Variants in TENT4A observed in about 807,000 individuals in gnomAD.
TENT4A encodes the protein terminal nucleotidyltransferase 4A.
A neutral mutation model predicts 72.8 loss-of-function variants in TENT4A; 7 were observed. That is an observed-to-expected ratio of 0.10 (90% CI 0.05 to 0.18). The LOEUF is 0.18. Among genes scored for constraint, TENT4A ranks in the 10% least tolerant of loss-of-function variants. The pLI, the probability that TENT4A is intolerant of heterozygous loss-of-function variation, is 1.00. For missense variants in TENT4A, 831 were observed against 1,017.7 expected, an observed-to-expected ratio of 0.82 and a Z score of 2.50; for synonymous variants, 456 against 434.3, an observed-to-expected ratio of 1.05 and a Z score of -0.62.
At chr5:6,734,917 G>A (rs1011547929) in intron 1 of TENT4A, among the ~76,000 whole-genome samples, 2 of 152,252 alleles carry the variant, frequency 1.3e-5, no homozygotes, top group Non-Finnish European at 2.9e-5. Flanking sequence ...AAGGCAGACT[G>A]CAGCAGGTGT....
chr5:6,755,094 G>T lies in TENT4A; in HGVS notation c.*149G>T, dbSNP rs1742622773. 3 of 589,890 alleles carry T rather than the reference G, an allele frequency of 5.1e-6. No individual in the cohort carries two copies. Among genetic ancestry groups the T allele is most frequent in the Non-Finnish European group, 8.4e-6 (3 of 355,954 alleles). 36.5% of individuals were successfully genotyped at this position (589,890 alleles called of 1,614,324 possible). The stretch of plus-strand genomic sequence containing the variant: ...ATCACTCTGCATGTTTCTTCGTGTG[G>T]TGGTCGCGTCCATCTTCAAGAACAG... On this transcript the variant is annotated 3_prime_UTR_variant, in exon 13 of 13. Coordinates refer to ENST00000230859, the MANE Select transcript of TENT4A (RefSeq NM_006999.6).
rs55840324 is a variant in TENT4A at position 6,722,547 on chromosome 5, GT to G, written c.716+7869del. On this transcript the variant is annotated intron_variant, in intron 1 of 12. Transcript: ENST00000230859. ...GTCTGTTCTAGTTTTGCATTTGTTA[GT>G]TTTTTTTTTTTTTTTTTTTTAACTG... Among the ~76,000 whole-genome samples, 766 of 123,232 alleles carry G rather than the reference GT, an allele frequency of 6.2e-3. 3 individuals are homozygous for G. Among genetic ancestry groups the G allele is most frequent in the East Asian group, 0.015 (62 of 4,138 alleles). The allele number at this position is 123,232 out of a possible 152,430, so 80.8% of individuals were successfully genotyped here.
intron 9 of TENT4A, 27 bp from the exon 10 acceptor site, chr5:6,750,304 A>G (rs369861116): frequency 1.7e-4 from 268 of 1,588,798 alleles, no homozygotes; most frequent in Non-Finnish European, 2.0e-4. Context: ...CTCAGGAGTT[A>G]TTAACCAAGG....
intron 3 of TENT4A, 82 bp downstream of exon 3, chr5:6,738,811 TTG>T: frequency 1.9e-6 from 2 of 1,038,444 alleles, no homozygotes. Flanking sequence ...AATAGATTCT[TTG>T]TAATTGAGTC....
chr5:6,742,037 C>CT (rs1741830776), intron 4 of TENT4A, among the ~76,000 whole-genome samples: 1 of 152,120 alleles, frequency 6.6e-6, no homozygotes, highest in South Asian at 2.1e-4. Flanking sequence ...GTAAAGTTGT[C>CT]TTAAAGAGTG....
At chr5:6,727,666 A>T (rs901691373) in intron 1 of TENT4A, among the ~76,000 whole-genome samples, 1 of 152,160 alleles carries the variant, frequency 6.6e-6, no homozygotes, top group Admixed American at 6.5e-5. Flanking sequence ...GCCACTTGGT[A>T]TCAGGGAGGC....
Position 6,754,826 on chromosome 5 carries a change from A to G in TENT4A, c.2260A>G (p.Ser754Gly). 6.2e-7 allele frequency: 1 copy of G among 1,609,186 alleles called. No individual in the cohort carries two copies. Among genetic ancestry groups the G allele is most frequent in the Non-Finnish European group, 8.5e-7 (1 of 1,176,450 alleles). ...AGGCGGCGGCTACAGCTCTGTGGGT[A>G]GCGGAGGTGTGCGGCCCCCTGTGGG... ...TQGGGYSSVG[S>G]GGVRPPVGNR... Residue 754 changes from serine to glycine, a missense_variant, in exon 13 of 13, where the codon AGC becomes GGC. Ser to Gly is a moderately conservative substitution (Grantham distance 56). Transcript: ENST00000230859.
At chr5:6,727,962 C>A (rs1741019383) in intron 1 of TENT4A, among the ~76,000 whole-genome samples, 1 of 152,022 alleles carries the variant, frequency 6.6e-6, no homozygotes, top group Admixed American at 6.6e-5. Flanking sequence ...CCAGTGAGTT[C>A]TTTTCTCTGT....
In TENT4A at chr5:6,755,152, C is replaced by T. The variant is rs1011019335; in HGVS notation, c.*207C>T. Reference sequence around the variant, plus strand: ...TGCTCATCTGTGAAGCCTTATTAAACGTGGACGTTGTTTTCTGCCTTCCCA... The same window carrying T: ...TGCTCATCTGTGAAGCCTTATTAAATGTGGACGTTGTTTTCTGCCTTCCCA... On this transcript the variant is annotated 3_prime_UTR_variant, in exon 13 of 13. Coordinates refer to ENST00000230859, the MANE Select transcript of TENT4A (RefSeq NM_006999.6). The T allele has an allele frequency of 2.3e-5, 10 of 428,378 alleles. No homozygotes were observed. Among genetic ancestry groups the T allele is most frequent in the African/African-American group, 8.1e-5 (4 of 49,662 alleles). 26.5% of individuals were successfully genotyped at this position (428,378 alleles called of 1,614,324 possible). A position where few individuals can be genotyped will look rare whatever the true frequency, so the allele number is the denominator to read the frequency against.
chr5:6,746,139 C>G, intron 6 of TENT4A, 75 bp from the exon 7 acceptor site: 1 of 1,607,134 alleles, frequency 6.2e-7, no homozygotes, highest in Non-Finnish European at 8.5e-7. Context: ...TGCTGGACAG[C>G]AGACTTCGTC....
intron 1 of TENT4A, among the ~76,000 whole-genome samples, chr5:6,717,901 G>A (rs1200415680): frequency 2.6e-5 from 4 of 152,234 alleles, no homozygotes; most frequent in Non-Finnish European, 4.4e-5. Flanking sequence ...ATAAGTGAGA[G>A]TGGGAGCATG....
intron 1 of TENT4A, among the ~76,000 whole-genome samples, chr5:6,726,450 C>T (rs913969793): frequency 6.6e-6 from 1 of 152,204 alleles, no homozygotes; most frequent in Non-Finnish European, 1.5e-5. Flanking sequence ...TGCGTTGCCT[C>T]TGGTCAGCTC....
At chr5:6,736,719 C>A (rs530571431) in intron 1 of TENT4A, among the ~76,000 whole-genome samples, 26 of 152,252 alleles carry the variant, frequency 1.7e-4, no homozygotes, top group African/African-American at 6.0e-4. Context: ...GAGATCAGCA[C>A]CTTTGAGGTG....
intron 1 of TENT4A, among the ~76,000 whole-genome samples, chr5:6,720,947 C>T (rs1434612069): frequency 1.3e-5 from 2 of 152,130 alleles, no homozygotes; most frequent in Non-Finnish European, 2.9e-5. Context: ...AGCCCAGGTT[C>T]GTAGCAATGT....
intron 2 of TENT4A, among the ~76,000 whole-genome samples, chr5:6,737,993 T>A (rs28363346): frequency 0.012 from 1,814 of 149,488 alleles, 15 homozygotes; most frequent in South Asian, 0.028. Context: ...TTTCACCCTG[T>A]CACCCACCCC....
Position 6,714,679 on chromosome 5 carries a change from G to C in TENT4A, c.696G>C (p.Ala232=), listed in dbSNP as rs529094777. 6.9e-3 allele frequency: 8,193 copies of C among 1,195,282 alleles called. 126 individuals carry two copies. The highest frequency in any genetic ancestry group is 0.058 in the African/African-American group (3,635 of 63,028). 74.0% of individuals were successfully genotyped at this position (1,195,282 alleles called of 1,614,324 possible). Residue 232 remains alanine, a synonymous_variant, in exon 1 of 13, where the codon GCG becomes GCC. Coordinates refer to ENST00000230859, the MANE Select transcript of TENT4A (RefSeq NM_006999.6). Reference sequence around the variant, plus strand: ...CCGGCACCCCGTGGAAGAGCCGCGCGTACAGCCCGGGCATCCAGGGGTGAG... The same window carrying C: ...CCGGCACCCCGTGGAAGAGCCGCGCCTACAGCCCGGGCATCCAGGGGTGAG... ...PRPGTPWKSR[A]YSPGIQGLHE... is the part of the protein sequence containing the mutation.
intron 11 of TENT4A, among the ~76,000 whole-genome samples, 190 bp from the exon 12 acceptor site, chr5:6,752,683 G>A (rs539560834): frequency 2.6e-5 from 4 of 152,348 alleles, no homozygotes; most frequent in Admixed American, 6.5e-5. Flanking sequence ...GCCAGTTGCT[G>A]TTTTAGAATA....
At chr5:6,729,798 G>T (rs1281537471) in intron 1 of TENT4A, among the ~76,000 whole-genome samples, 1 of 152,138 alleles carries the variant, frequency 6.6e-6, no homozygotes, top group African/African-American at 2.4e-5. Context: ...GCTGGGTTGA[G>T]GACATGTTAA....
chr5:6,736,857 C>G (rs1741532013), intron 1 of TENT4A, among the ~76,000 whole-genome samples: 2 of 152,256 alleles, frequency 1.3e-5, no homozygotes, highest in Admixed American at 1.3e-4. Context: ...CCTTGTTGGC[C>G]TCTTAAGGAG....
Sources: gnomAD v4.1 joint callset for allele counts (sites outside exome capture counted in the v4.1 genomes callset) on GRCh38, gnomAD v4.1.1 for gene constraint, MANE v1.5 for transcripts, NCBI Gene and HGNC (gene_info 2026-07-23, HGNC 2026-07-21) for gene names.